DIAPH3: variants seen among roughly 807,000 people sequenced by gnomAD.
DIAPH3 encodes protein diaphanous homolog 3.
Under a neutral mutation model 144.3 loss-of-function variants are expected in DIAPH3, and 117 were observed. The observed-to-expected ratio is 0.81, with a 90% CI of 0.70 to 0.95. The LOEUF (loss-of-function observed/expected upper bound fraction) is 0.95, where lower values mean the gene tolerates loss of function less well. DIAPH3 is among the 40% of genes least tolerant of loss of function. The pLI is 0.00. For missense variants in DIAPH3, 1,421 were observed against 1,412.7 expected (o/e 1.01, Z -0.09); for synonymous variants, 519 against 488.9 (o/e 1.06, Z -0.81).
intron 2 of DIAPH3, among the ~76,000 whole-genome samples, chr13:60,122,124 G>T (rs536342332): frequency 6.6e-6 from 1 of 152,070 alleles, no homozygotes. Flanking sequence ...TGGCTCAAAG[G>T]TTCATCTTGA....
chr13:59,808,586 T>C (rs1179705609), intron 25 of DIAPH3, among the ~76,000 whole-genome samples: 1 of 152,126 alleles, frequency 6.6e-6, no homozygotes, highest in Admixed American at 6.5e-5. Flanking sequence ...ATTACAAACA[T>C]TTTCTATTTA....
intron 1 of DIAPH3, among the ~76,000 whole-genome samples, chr13:60,143,056 C>T (rs148323398): frequency 1.3e-5 from 2 of 152,140 alleles, no homozygotes; most frequent in African/African-American, 4.8e-5. Context: ...CCTCATCCGG[C>T]CAGCCTTTCT....
intron 4 of DIAPH3, among the ~76,000 whole-genome samples, chr13:60,053,599 C>A (rs1427866838): frequency 6.6e-6 from 1 of 151,976 alleles, no homozygotes; most frequent in Non-Finnish European, 1.5e-5. Flanking sequence ...GTAATAGTAA[C>A]CCTCCCCTTT....
intron 27 of DIAPH3, among the ~76,000 whole-genome samples, chr13:59,763,444 A>AG (rs1215439465): frequency 6.6e-6 from 1 of 152,134 alleles, no homozygotes; most frequent in Admixed American, 6.5e-5. Flanking sequence ...TGGGAGGCTC[A>AG]GGCGGGAGAA....
chr13:59,810,099 C>G (rs980389112), intron 25 of DIAPH3, among the ~76,000 whole-genome samples: 8 of 151,788 alleles, frequency 5.3e-5, no homozygotes, highest in Non-Finnish European at 1.2e-4. Context: ...AACATATTGA[C>G]AACAATTTTG....
intron 1 of DIAPH3, among the ~76,000 whole-genome samples, chr13:60,149,623 C>T (rs936097479): frequency 1.3e-5 from 2 of 151,770 alleles, no homozygotes; most frequent in Non-Finnish European, 2.9e-5. Flanking sequence ...AGCGGTGCAG[C>T]GTGCCTGTAG....
chr13:60,013,198 A>G (rs1252471940), intron 7 of DIAPH3: 1 of 985,442 alleles, frequency 1.0e-6, no homozygotes, highest in Non-Finnish European at 1.2e-6. Flanking sequence ...CTGAGGATCA[A>G]TGCCAGGTTC....
chr13:60,148,670 T>A (rs1471888891), intron 1 of DIAPH3, among the ~76,000 whole-genome samples: 1 of 151,996 alleles, frequency 6.6e-6, no homozygotes, highest in Non-Finnish European at 1.5e-5. Context: ...TAGACCATGG[T>A]TTCAAGGGGG....
chr13:59,728,212 CTT>C (rs2035702343), intron 27 of DIAPH3, among the ~76,000 whole-genome samples: 1 of 152,090 alleles, frequency 6.6e-6, no homozygotes, highest in Non-Finnish European at 1.5e-5. Context: ...ACTGGTTACT[CTT>C]TTTATTTTTA....
intron 27 of DIAPH3, among the ~76,000 whole-genome samples, chr13:59,765,756 AT>A (rs2037834304): frequency 1.3e-5 from 2 of 152,080 alleles, no homozygotes; most frequent in South Asian, 4.1e-4. Context: ...CAAATTATTT[AT>A]TTTTAATACT....
intron 20 of DIAPH3, among the ~76,000 whole-genome samples, chr13:59,897,548 G>T (rs2046181207): frequency 6.6e-6 from 1 of 151,850 alleles, no homozygotes; most frequent in South Asian, 2.1e-4. Flanking sequence ...AGGAGTTCGA[G>T]ACCAGCCTGG....
chr13:59,982,570 T>C (rs886067510), intron 13 of DIAPH3, among the ~76,000 whole-genome samples: 3 of 151,602 alleles, frequency 2.0e-5, no homozygotes, highest in Non-Finnish European at 4.4e-5. Flanking sequence ...CACAGATACA[T>C]AGCTGAAAAT....
At chr13:60,102,168 G>T (rs929395639) in intron 3 of DIAPH3, among the ~76,000 whole-genome samples, 1 of 152,012 alleles carries the variant, frequency 6.6e-6, no homozygotes, top group Non-Finnish European at 1.5e-5. Flanking sequence ...ATTTATGCTC[G>T]AGATCCCTTT....
chr13:60,143,739 T>C (rs1448489305), intron 1 of DIAPH3, among the ~76,000 whole-genome samples: 1 of 152,198 alleles, frequency 6.6e-6, no homozygotes, highest in African/African-American at 2.4e-5. Flanking sequence ...GTGTCAGTTA[T>C]GTTGGGCTGC....
chr13:60,143,302 G>A (rs1382478083), intron 1 of DIAPH3, among the ~76,000 whole-genome samples: 1 of 152,144 alleles, frequency 6.6e-6, no homozygotes, highest in Admixed American at 6.5e-5. Context: ...CTGAGCAGAG[G>A]TGAACAGCCT....
intron 12 of DIAPH3, among the ~76,000 whole-genome samples, chr13:59,985,729 T>A (rs1337863502): frequency 1.1e-5 from 1 of 89,472 alleles, no homozygotes; most frequent in Non-Finnish European, 2.3e-5. Flanking sequence ...CACAATTGCT[T>A]CAAAAAGAAT....
At chr13:59,816,631 CCTT>C (rs1460808848) in intron 24 of DIAPH3, among the ~76,000 whole-genome samples, 22 of 151,740 alleles carry the variant, frequency 1.4e-4, no homozygotes, top group African/African-American at 3.6e-4. Context: ...TCATATCCCT[CCTT>C]CTGGTTTCTC....
intron 27 of DIAPH3, among the ~76,000 whole-genome samples, chr13:59,750,967 A>T (rs1235948765): frequency 6.6e-6 from 1 of 152,228 alleles, no homozygotes; most frequent in Non-Finnish European, 1.5e-5. Context: ...GCTTCTGCCC[A>T]CATAGTGGCA....
chr13:59,771,202 A>G (rs2038099921), intron 27 of DIAPH3, among the ~76,000 whole-genome samples: 1 of 152,158 alleles, frequency 6.6e-6, no homozygotes. Context: ...GTCTGAGACT[A>G]TAGCTATGAT....
Sources: gnomAD v4.1 joint callset for allele counts (sites outside exome capture counted in the v4.1 genomes callset) on GRCh38, gnomAD v4.1.1 for gene constraint, MANE v1.5 for transcripts, NCBI Gene and HGNC (gene_info 2026-07-23, HGNC 2026-07-21) for gene names.